The following PAG1 variants were observed in gnomAD, a reference collection of about 807,000 sequenced individuals.
The protein encoded by PAG1 is phosphoprotein associated with glycosphingolipid-enriched microdomains 1.
A neutral mutation model predicts 31.7 loss-of-function variants in PAG1; 23 were observed. The ratio of observed to expected loss-of-function variants is 0.73; its 90% CI spans 0.52 to 1.03. The LOEUF is 1.03. Ranked by LOEUF, PAG1 falls within the 50% of genes least tolerant of loss-of-function variation. The probability of loss-of-function intolerance (pLI) is 0.00; values close to 1 mark genes in which losing one functional copy is unlikely to be tolerated. For synonymous variants in PAG1, 214 were observed against 210.3 expected, an observed-to-expected ratio of 1.02 and a Z score of -0.15; for missense variants, 473 against 540.7, an observed-to-expected ratio of 0.87 and a Z score of 1.24.
At position 80,976,925 on chromosome 8, in the gene PAG1, G is replaced by A. The variant is rs1197064024; in HGVS notation, c.937-19C>T. ...CTGAGATCTAGGAGACAAAGGGAGA[G>A]TTGAATAAACTTCCAGCTGTGACTT... On this transcript the variant is annotated intron_variant, in intron 8 of 8. Transcript: ENST00000220597. 1 of 1,576,542 alleles carries A rather than the reference G, an allele frequency of 6.3e-7. No individual in the cohort carries two copies. Among genetic ancestry groups the A allele is most frequent in the Admixed American group, 1.9e-5 (1 of 53,742 alleles).
chr8:80,992,194 G>C (rs988497973), intron 4 of PAG1, among the ~76,000 whole-genome samples: 2 of 152,220 alleles, frequency 1.3e-5, no homozygotes, highest in African/African-American at 4.8e-5. Flanking sequence ...CGGCCTCTTT[G>C]TTCATCTTCC....
intron 1 of PAG1, among the ~76,000 whole-genome samples, chr8:81,077,323 ATCCTGACC>A (rs1809194855): frequency 6.6e-6 from 1 of 152,194 alleles, no homozygotes; most frequent in African/African-American, 2.4e-5. Context: ...GCCCTTCCAC[ATCCTGACC>A]TGGGATTTGT....
chr8:81,037,479 G>T (rs562955731), intron 2 of PAG1, among the ~76,000 whole-genome samples: 2 of 152,278 alleles, frequency 1.3e-5, no homozygotes, highest in East Asian at 1.9e-4. Flanking sequence ...TCAAATGACC[G>T]AAGTGTTCAA....
intron 3 of PAG1, among the ~76,000 whole-genome samples, chr8:80,993,593 C>T (rs1006566260): frequency 7.2e-6 from 1 of 139,462 alleles, no homozygotes; most frequent in African/African-American, 2.9e-5. Flanking sequence ...GTGGATTCTT[C>T]TTGTTCTTTT....
chr8:81,063,813 T>C (rs1466269548), intron 2 of PAG1, among the ~76,000 whole-genome samples: 1 of 152,138 alleles, frequency 6.6e-6, no homozygotes, highest in Non-Finnish European at 1.5e-5. Flanking sequence ...GGTAGCCACA[T>C]GACAAGCAGA....
intron 3 of PAG1, among the ~76,000 whole-genome samples, chr8:81,004,047 A>AT (rs960652783): frequency 6.6e-6 from 1 of 152,124 alleles, no homozygotes; most frequent in African/African-American, 2.4e-5. Flanking sequence ...AAGTCTCGTT[A>AT]TTTTTTCATT....
chr8:80,997,730 G>A (rs1373621624), intron 3 of PAG1, among the ~76,000 whole-genome samples: 1 of 151,982 alleles, frequency 6.6e-6, no homozygotes, highest in Non-Finnish European at 1.5e-5. Context: ...TAATATTAAT[G>A]TGATCACAGA....
intron 7 of PAG1, among the ~76,000 whole-genome samples, chr8:80,983,770 T>TA (rs1241580432): frequency 6.6e-6 from 1 of 152,236 alleles, no homozygotes; most frequent in Non-Finnish European, 1.5e-5. Context: ...ATCAGGTTTA[T>TA]GGTCTTTGGT....
rs536743960 is a variant in PAG1 at position 81,098,114 on chromosome 8, T to C, written c.-234+13477A>G. ...TTCATTTACATTCACGATGGGTCTA[T>C]AGCAACTCAAGAGTGCCACAGGAAA... On this transcript the variant is annotated intron_variant, in intron 1 of 8. Transcript: ENST00000220597. 3.3e-5 allele frequency among the ~76,000 whole-genome samples: 5 copies of C among 152,330 alleles called. No individual in the cohort carries two copies. The East Asian group carries it at 9.6e-4, about 29-fold the overall frequency.
intron 2 of PAG1, among the ~76,000 whole-genome samples, chr8:81,031,985 C>A (rs72674038): frequency 6.6e-6 from 1 of 152,088 alleles, no homozygotes; most frequent in African/African-American, 2.4e-5. Flanking sequence ...GCTTTTTCAA[C>A]AAATGGTTCT....
At chr8:80,985,998 T>C (rs913441500) in intron 6 of PAG1, among the ~76,000 whole-genome samples, 9 of 152,328 alleles carry the variant, frequency 5.9e-5, no homozygotes, top group South Asian at 2.1e-4. Flanking sequence ...GCCACAGATA[T>C]GCTATTGTGT....
intron 1 of PAG1, among the ~76,000 whole-genome samples, chr8:81,088,762 T>C (rs938253408): frequency 1.3e-5 from 2 of 152,184 alleles, no homozygotes; most frequent in Non-Finnish European, 2.9e-5. Flanking sequence ...AGTGGAAAGA[T>C]ATAGAAATGC....
chr8:81,022,365 T>C (rs1208025154), intron 3 of PAG1, among the ~76,000 whole-genome samples: 2 of 152,218 alleles, frequency 1.3e-5, no homozygotes. Context: ...TTTACCAAAG[T>C]TTTATTAAAT....
At chr8:81,105,767 C>T (rs1438239983) in intron 1 of PAG1, among the ~76,000 whole-genome samples, 1 of 152,132 alleles carries the variant, frequency 6.6e-6, no homozygotes, top group South Asian at 2.1e-4. Context: ...GTCACAAATA[C>T]AGTGAGACGA....
intron 1 of PAG1, among the ~76,000 whole-genome samples, chr8:81,086,830 G>A (rs1044750333): frequency 6.6e-6 from 1 of 152,152 alleles, no homozygotes; most frequent in Non-Finnish European, 1.5e-5. Flanking sequence ...GTCAGGTTAT[G>A]GTGTGGAGGA....
intron 5 of PAG1, among the ~76,000 whole-genome samples, chr8:80,988,472 A>T (rs544322303): frequency 1.2e-3 from 179 of 152,162 alleles, no homozygotes; most frequent in Non-Finnish European, 2.1e-3. Flanking sequence ...TTATTTATTT[A>T]TTTTTTAAGA....
At chr8:81,110,034 TG>T (rs1241233247) in intron 1 of PAG1, among the ~76,000 whole-genome samples, 6 of 152,218 alleles carry the variant, frequency 3.9e-5, no homozygotes, top group Non-Finnish European at 8.8e-5. Flanking sequence ...TAACATTTTG[TG>T]TATTTTCTTA....
Position 80,977,063 on chromosome 8 carries a change from T to C in PAG1, c.937-157A>G, listed in dbSNP as rs535000363. Among the ~76,000 whole-genome samples the C allele has an allele frequency of 3.3e-5, 5 of 152,330 alleles. No homozygotes were observed. In the South Asian group the frequency reaches 1.0e-3, roughly 32 times the overall value. On this transcript the variant is annotated intron_variant, in intron 8 of 8. Coordinates refer to ENST00000220597, the MANE Select transcript of PAG1 (RefSeq NM_018440.4). ...CTGTACTAATTATGGAGCACATTAC[T>C]AGAGAATAATTACACACACTATCTT... is the stretch of plus-strand genomic sequence containing the variant.
intron 1 of PAG1, among the ~76,000 whole-genome samples, chr8:81,088,779 C>G (rs973846628): frequency 9.9e-5 from 15 of 152,092 alleles, no homozygotes; most frequent in Admixed American, 3.9e-4. Context: ...ATGCTAAACT[C>G]TAATAAGAGC....
Sources: allele counts gnomAD v4.1 joint callset (sites outside exome capture counted in the v4.1 genomes callset), GRCh38; gene constraint gnomAD v4.1.1; transcripts MANE v1.5; gene names NCBI Gene and HGNC (gene_info 2026-07-23, HGNC 2026-07-21).